ERAP1: variants seen among roughly 807,000 people sequenced by gnomAD.
ERAP1 encodes adipocyte-derived leucine aminopeptidase.
Under a neutral mutation model 103.7 loss-of-function variants are expected in ERAP1, and 86 were observed. That is an observed-to-expected ratio of 0.83 (90% CI 0.70 to 0.99). The LOEUF (loss-of-function observed/expected upper bound fraction) is 0.99, where lower values mean the gene tolerates loss of function less well. Among genes scored for constraint, ERAP1 ranks in the 50% least tolerant of loss-of-function variants. ERAP1 has a pLI of 0.00. For missense variants in ERAP1, 1,009 were observed against 1,128.4 expected (o/e 0.89, Z 1.52); for synonymous variants, 398 against 402.4 (o/e 0.99, Z 0.13).
chr5:96,888,496 C>T, the ERAP1 span, among the ~76,000 whole-genome samples: 1 of 152,176 alleles, frequency 6.6e-6, no homozygotes, highest in East Asian at 1.9e-4. Flanking sequence ...AGATTTTATA[C>T]GTAAGCATTC....
intron 5 of ERAP1, 57 bp from the exon 6 acceptor site, chr5:96,794,014 A>G (rs1238828549): frequency 1.0e-5 from 16 of 1,566,420 alleles, no homozygotes; most frequent in African/African-American, 1.4e-5. Context: ...ATTCTCCCAA[A>G]CACTAATCTT....
the ERAP1 span, among the ~76,000 whole-genome samples, chr5:96,892,755 A>C: frequency 6.6e-6 from 1 of 152,230 alleles, no homozygotes; most frequent in Non-Finnish European, 1.5e-5. Context: ...GAAGCACAGA[A>C]TTGGAAACCT....
At chr5:96,894,432 G>C in the ERAP1 span, among the ~76,000 whole-genome samples, 1 of 152,008 alleles carries the variant, frequency 6.6e-6, no homozygotes, top group Non-Finnish European at 1.5e-5. Flanking sequence ...CTATAACCAG[G>C]CTCTTCTGAA....
chr5:96,819,176 G>A, the ERAP1 span, among the ~76,000 whole-genome samples: 99,872 of 151,488 alleles, frequency 0.66, 33,380 homozygotes, highest in Non-Finnish European at 0.72. Context: ...TGCCCGCCTC[G>A]GCCTCCCAAT....
At chr5:96,897,544 C>CTT in the ERAP1 span, among the ~76,000 whole-genome samples, 1 of 151,796 alleles carries the variant, frequency 6.6e-6, no homozygotes, top group African/African-American at 2.4e-5. Context: ...TGTGTCTATT[C>CTT]TTTTTTTAAT....
the ERAP1 span, chr5:96,909,834 C>T: frequency 6.7e-7 from 1 of 1,485,562 alleles, no homozygotes; most frequent in South Asian, 1.2e-5. Context: ...TCAAGCAAGA[C>T]ATTAGGTCTA....
At chr5:96,763,074 T>C (rs1346177822) in exon 20 of ERAP1, 3 of 769,630 alleles carry the variant, frequency 3.9e-6, no homozygotes, top group Non-Finnish European at 4.8e-6. Flanking sequence ...TCTCCTTTGG[T>C]TGAGAACAGT....
At chr5:96,765,120 A>G (rs1361866295) in intron 19 of ERAP1, 4 of 717,542 alleles carry the variant, frequency 5.6e-6, no homozygotes, top group East Asian at 5.2e-5. Context: ...TTTTCTTCCA[A>G]GGAAACAGGT....
the ERAP1 span, among the ~76,000 whole-genome samples, chr5:96,859,925 A>T: frequency 6.6e-6 from 1 of 152,166 alleles, no homozygotes; most frequent in African/African-American, 2.4e-5. Flanking sequence ...GGTGTAAAAT[A>T]ATACTTAGCA....
intron 15 of ERAP1, among the ~76,000 whole-genome samples, chr5:96,782,464 C>CAAAAG (rs1775352705): frequency 1.3e-5 from 2 of 152,086 alleles, no homozygotes; most frequent in South Asian, 4.1e-4. Flanking sequence ...CCTTTCAAGC[C>CAAAAG]AAAAGAAATT....
At chr5:96,917,917 AAAAAAAAAAAAG>A in the ERAP1 span, 1 of 160,208 alleles carries the variant, frequency 6.2e-6, no homozygotes, top group African/African-American at 2.4e-5. Context: ...AAAAAAAAAA[AAAAAAAAAAAAG>A]AAAAAGAAAA....
At chr5:96,911,861 T>A in the ERAP1 span, among the ~76,000 whole-genome samples, 2 of 33,542 alleles carry the variant, frequency 6.0e-5, no homozygotes, top group Non-Finnish European at 5.6e-5. Flanking sequence ...AGTAAGACCC[T>A]GTCTCAAAAA....
chr5:96,883,943 C>T, the ERAP1 span: 1 of 1,555,310 alleles, frequency 6.4e-7, no homozygotes. Context: ...ATGTCCACTT[C>T]CAGAAACTTT....
chr5:96,889,306 G>A, the ERAP1 span: 1 of 1,613,962 alleles, frequency 6.2e-7, no homozygotes, highest in Non-Finnish European at 8.5e-7. Context: ...TCCAAACTGG[G>A]TATGTTCAAA....
At chr5:96,877,102 G>A in the ERAP1 span, among the ~76,000 whole-genome samples, 1 of 152,156 alleles carries the variant, frequency 6.6e-6, no homozygotes. Context: ...AGCCTCCCGA[G>A]TAGCTAGGAC....
At chr5:96,885,663 C>T in the ERAP1 span, among the ~76,000 whole-genome samples, 1 of 152,252 alleles carries the variant, frequency 6.6e-6, no homozygotes, top group African/African-American at 2.4e-5. Context: ...CAGTCAGCAT[C>T]ATCACAAGCC....
chr5:96,816,186 T>C, the ERAP1 span, among the ~76,000 whole-genome samples: 1 of 152,178 alleles, frequency 6.6e-6, no homozygotes, highest in African/African-American at 2.4e-5. Context: ...GGAAGAAAGG[T>C]AGACAGAGTC....
chr5:96,821,470 C>T, the ERAP1 span, among the ~76,000 whole-genome samples: 8 of 152,214 alleles, frequency 5.3e-5, no homozygotes, highest in East Asian at 1.2e-3. Flanking sequence ...TGTGGGCACA[C>T]GTAGGGGAAG....
At chr5:96,856,838 C>T in the ERAP1 span, among the ~76,000 whole-genome samples, 6 of 152,284 alleles carry the variant, frequency 3.9e-5, no homozygotes, top group East Asian at 1.9e-4. Context: ...CAATATTTTA[C>T]GCATTTCACT....
Sources: gnomAD v4.1 joint callset for allele counts (sites outside exome capture counted in the v4.1 genomes callset) on GRCh38, gnomAD v4.1.1 for gene constraint, MANE v1.5 for transcripts, NCBI Gene and HGNC (gene_info 2026-07-23, HGNC 2026-07-21) for gene names.